LARGE1: variants seen among roughly 807,000 people sequenced by gnomAD.
The protein encoded by LARGE1 is LARGE xylosyl- and glucuronyltransferase 1, also known as xylosyl- and glucuronyltransferase LARGE1.
A neutral mutation model predicts 87.6 loss-of-function variants in LARGE1; 43 were observed. The observed-to-expected ratio is 0.49, with a 90% CI of 0.38 to 0.63. LARGE1 has a LOEUF of 0.63. LARGE1 is among the 30% of genes least tolerant of loss of function. LARGE1 has a pLI of 0.00. For synonymous variants in LARGE1, 434 were observed against 394.6 expected (o/e 1.10, Z -1.18); for missense variants, 802 against 1,000.2 (o/e 0.80, Z 2.67).
Position 33,417,885 on chromosome 22 carries a change from CCTACTTCAAGTTT to C in LARGE1, c.892+14263_892+14275del, listed in dbSNP as rs371696315. On this transcript the variant is annotated intron_variant, in intron 7 of 14. Transcript: ENST00000397394. ...CAGCAATGGCAGGTTGAGTCCTTCT[CCTACTTCAAGTTT>C]CTGTGACTTCCCCTTTGACTCTATC... Among the ~76,000 whole-genome samples, 657 of 152,318 alleles carry C rather than the reference CCTACTTCAAGTTT, an allele frequency of 4.3e-3. 5 individuals are homozygous for C. The highest frequency in any genetic ancestry group is 0.015 in the African/African-American group (625 of 41,584).
intron 9 of LARGE1, among the ~76,000 whole-genome samples, chr22:33,368,395 G>A (rs1432227492): frequency 6.6e-6 from 1 of 151,966 alleles, no homozygotes; most frequent in Admixed American, 6.6e-5. Context: ...TTAGCCAGGC[G>A]TGGTGGCGGG....
intron 2 of LARGE1, among the ~76,000 whole-genome samples, chr22:33,708,396 A>AACCTCTTCCATCCCCTTCC (rs2082626161): frequency 6.6e-6 from 1 of 152,126 alleles, no homozygotes; most frequent in Non-Finnish European, 1.5e-5. Context: ...GCCCAGCCAG[A>AACCTCTTCCATCCCCTTCC]AGCCCTCCTG....
chr22:33,638,385 C>T (rs1272302546), intron 3 of LARGE1, among the ~76,000 whole-genome samples: 3 of 152,196 alleles, frequency 2.0e-5, no homozygotes, highest in Non-Finnish European at 4.4e-5. Context: ...TTTAGAAGAA[C>T]AGACAGATCT....
At chr22:33,588,510 CGTGTGTGTGT>C (rs10528247) in intron 5 of LARGE1, among the ~76,000 whole-genome samples, 15 of 150,672 alleles carry the variant, frequency 1.0e-4, no homozygotes, top group Admixed American at 2.0e-4. Flanking sequence ...TATATGTGTG[CGTGTGTGTGT>C]GTGTGTGTGT....
intron 6 of LARGE1, among the ~76,000 whole-genome samples, chr22:33,459,009 A>AT (rs150586477): frequency 0.039 from 5,857 of 150,192 alleles, 285 homozygotes; most frequent in African/African-American, 0.12. Context: ...GAAGACAAGT[A>AT]TTTTTTTTTT....
chr22:33,255,456 T>C lies in LARGE1; in HGVS notation c.1730+48773A>G, dbSNP rs187174474. Among the ~76,000 whole-genome samples, 48 of 152,264 alleles carry C rather than the reference T, an allele frequency of 3.2e-4. 1 individual carries two copies. The highest frequency in any genetic ancestry group is 1.1e-3 in the African/African-American group (46 of 41,572). On this transcript the variant is annotated intron_variant, in intron 11 of 11. Transcript: ENST00000608642. Reference sequence around the variant, plus strand: ...CTCTCTGGTATCCTCTTGGATGAAGTTGGGTGAGGATGTCTCCAAAACAAT... The same window carrying C: ...CTCTCTGGTATCCTCTTGGATGAAGCTGGGTGAGGATGTCTCCAAAACAAT...
At chr22:33,423,107 T>A (rs2066753532) in intron 7 of LARGE1, among the ~76,000 whole-genome samples, 1 of 152,074 alleles carries the variant, frequency 6.6e-6, no homozygotes, top group African/African-American at 2.4e-5. Context: ...CAAGAGTTGT[T>A]CACTACTTTG....
In LARGE1 at chr22:33,621,677, G is replaced by A. The variant is rs374540997; in HGVS notation, c.491+4567C>T. ...GGAAGCAATGAAGCTATTTATAGCT[G>A]GACTTTCTGAGCCGAAAGTCTTTCA... On this transcript the variant is annotated intron_variant, in intron 4 of 14. Transcript: ENST00000397394. 5.3e-5 allele frequency among the ~76,000 whole-genome samples: 8 copies of A among 152,298 alleles called. No homozygotes were observed. In the East Asian group the frequency reaches 7.7e-4, roughly 15 times the overall value.
At chr22:33,492,424 A>G (rs868841491) in intron 6 of LARGE1, among the ~76,000 whole-genome samples, 1 of 152,226 alleles carries the variant, frequency 6.6e-6, no homozygotes, top group Non-Finnish European at 1.5e-5. Context: ...CCTGGGCACC[A>G]CACTTTCCCT....
intron 1 of LARGE1, among the ~76,000 whole-genome samples, chr22:33,861,860 C>CTTTT (rs59657748): frequency 0.017 from 1,946 of 117,142 alleles, 104 homozygotes; most frequent in African/African-American, 0.053. Flanking sequence ...CCCAGACATT[C>CTTTT]TTTTTTTTTT....
At chr22:33,666,398 G>C (rs982361400) in intron 2 of LARGE1, among the ~76,000 whole-genome samples, 1 of 152,220 alleles carries the variant, frequency 6.6e-6, no homozygotes, top group African/African-American at 2.4e-5. Context: ...TACCCTGCCT[G>C]GGTTGTCCTG....
intron 1 of LARGE1, among the ~76,000 whole-genome samples, chr22:33,772,065 G>A (rs920318672): frequency 2.6e-5 from 4 of 152,176 alleles, no homozygotes; most frequent in South Asian, 2.1e-4. Context: ...CAGGCGCGGC[G>A]GCTCACACCT....
the LARGE1 span, among the ~76,000 whole-genome samples, chr22:33,102,963 T>C: frequency 1.3e-5 from 2 of 152,088 alleles, no homozygotes; most frequent in South Asian, 2.1e-4. Context: ...TCTTCCTTCA[T>C]AGAAAGGATC....
the LARGE1 span, among the ~76,000 whole-genome samples, chr22:33,112,235 G>T: frequency 2.0e-5 from 3 of 152,202 alleles, no homozygotes; most frequent in Non-Finnish European, 4.4e-5. Context: ...ACAAAAGTGG[G>T]ATCGAGAAAA....
the LARGE1 span, among the ~76,000 whole-genome samples, chr22:33,141,188 TCTCTCTCACA>T: frequency 5.5e-5 from 8 of 146,332 alleles, no homozygotes; most frequent in African/African-American, 2.1e-4. Context: ...TCTCTCTCTC[TCTCTCTCACA>T]CACACACACA....
intron 1 of LARGE1, among the ~76,000 whole-genome samples, chr22:33,796,165 T>G (rs2085974464): frequency 6.6e-6 from 1 of 152,108 alleles, no homozygotes; most frequent in East Asian, 1.9e-4. Context: ...GTTCTGAAGT[T>G]TAAATAACCT....
At chr22:33,123,855 G>T in the LARGE1 span, among the ~76,000 whole-genome samples, 1 of 152,188 alleles carries the variant, frequency 6.6e-6, no homozygotes, top group South Asian at 2.1e-4. Flanking sequence ...GTGAAGGCCT[G>T]CCTAGGTGAC....
At chr22:33,398,390 C>T (rs2065822186) in intron 7 of LARGE1, among the ~76,000 whole-genome samples, 3 of 152,096 alleles carry the variant, frequency 2.0e-5, no homozygotes, top group Admixed American at 2.0e-4. Flanking sequence ...CCAACCTTTC[C>T]TCCTGAGCTA....
intron 1 of LARGE1, among the ~76,000 whole-genome samples, chr22:33,883,815 C>T (rs1223544636): frequency 6.6e-6 from 1 of 152,228 alleles, no homozygotes; most frequent in African/African-American, 2.4e-5. Flanking sequence ...CTCCTTAAAA[C>T]CGCAAACCCT....
Sources: allele counts gnomAD v4.1 joint callset (sites outside exome capture counted in the v4.1 genomes callset), GRCh38; gene constraint gnomAD v4.1.1; transcripts MANE v1.5; gene names NCBI Gene and HGNC (gene_info 2026-07-23, HGNC 2026-07-21).